The following KHDRBS1 variants were observed in gnomAD, a reference collection of about 807,000 sequenced individuals.
KHDRBS1 encodes KH RNA binding domain containing, signal transduction associated 1.
A neutral mutation model predicts 48.4 loss-of-function variants in KHDRBS1; 7 were observed. The observed-to-expected ratio is 0.14, with a 90% confidence interval of 0.08 to 0.27. The LOEUF is 0.27. Among genes scored for constraint, KHDRBS1 ranks in the 10% least tolerant of loss-of-function variants. The pLI is 1.00. For synonymous variants in KHDRBS1, 241 were observed against 235.8 expected (o/e 1.02, Z -0.20); for missense variants, 458 against 601.2 (o/e 0.76, Z 2.49).
chr1:32,046,301 G>A (rs902526161), downstream of KHDRBS1, among the ~76,000 whole-genome samples: 25 of 151,874 alleles, frequency 1.6e-4, no homozygotes, highest in East Asian at 5.8e-4. Flanking sequence ...TGCAACCTCC[G>A]CCTCTGGGTT....
In KHDRBS1 at chr1:32,043,520, CAA is replaced by C. The variant is rs985369092; in HGVS notation, c.*898_*899del. The C allele has an allele frequency of 1.1e-4, 17 of 152,576 alleles. No individual in the cohort carries two copies. The highest frequency in any genetic ancestry group is 3.9e-4 in the African/African-American group (16 of 41,434). 9.5% of individuals were successfully genotyped at this position (152,576 alleles called of 1,614,324 possible). A position where few individuals can be genotyped will look rare whatever the true frequency, so the allele number is the denominator to read the frequency against. ...ATTAAATTTTCAGTATTTAAAAAGACAAAGTATTTTGTCCATTTGAGATTCTG... is the reference window on the plus strand; with the variant it reads ...ATTAAATTTTCAGTATTTAAAAAGACAGTATTTTGTCCATTTGAGATTCTG... On this transcript the variant is annotated 3_prime_UTR_variant, in exon 9 of 9. Coordinates refer to ENST00000327300, the MANE Select transcript of KHDRBS1 (RefSeq NM_006559.3).
chr1:32,025,758 C>T (rs988681006), intron 1 of KHDRBS1, among the ~76,000 whole-genome samples: 25 of 133,674 alleles, frequency 1.9e-4, no homozygotes, highest in Non-Finnish European at 3.2e-4. Context: ...TTTCTCCCCT[C>T]TCCCCTCCTC....
rs897184968 is a variant in KHDRBS1 at position 32,021,121 on chromosome 1, TA to T, written c.382+6755del. 8.1e-3 allele frequency among the ~76,000 whole-genome samples: 1,208 copies of T among 149,112 alleles called. 20 individuals carry two copies. Among genetic ancestry groups the T allele is most frequent in the African/African-American group, 0.028 (1,143 of 40,874 alleles). ...TATAAATCTAAAATTGCCTTAAAAT[TA>T]AAAAAAAAAATTTTCAAAGTTGCAA... On this transcript the variant is annotated intron_variant, in intron 1 of 8. Transcript: ENST00000327300.
At chr1:32,036,117 T>C (rs960529157) in intron 4 of KHDRBS1, among the ~76,000 whole-genome samples, 9 of 151,720 alleles carry the variant, frequency 5.9e-5, no homozygotes, top group African/African-American at 1.7e-4. Flanking sequence ...TTTTCTTAAC[T>C]GTAAAATGTG....
intron 1 of KHDRBS1, among the ~76,000 whole-genome samples, chr1:32,019,659 T>A (rs1407360455): frequency 6.6e-6 from 1 of 152,176 alleles, no homozygotes; most frequent in Non-Finnish European, 1.5e-5. Flanking sequence ...AGAAAGTACA[T>A]CCCATAAGAC....
At chr1:32,044,186 T>C (rs1639330493), downstream of KHDRBS1, among the ~76,000 whole-genome samples, 1 of 152,204 alleles carries the variant, frequency 6.6e-6, no homozygotes, top group African/African-American at 2.4e-5. Context: ...TTGGTTTCCA[T>C]AGATAGGTCT....
downstream of KHDRBS1, among the ~76,000 whole-genome samples, chr1:32,044,290 A>G (rs186193390): frequency 1.5e-3 from 228 of 152,366 alleles, 1 homozygote; most frequent in African/African-American, 4.2e-3. Context: ...CTGTGAGCTC[A>G]GAAGGGGACA....
At chr1:32,024,252 CAA>C (rs905613921) in intron 1 of KHDRBS1, among the ~76,000 whole-genome samples, 2 of 139,718 alleles carry the variant, frequency 1.4e-5, no homozygotes, top group Non-Finnish European at 1.6e-5. Context: ...GACTTCGTTT[CAA>C]AAAAAAAAAG....
rs530952815 is a variant in KHDRBS1, at chr1:32,026,352, C to G, written c.383-3946C>G. On this transcript the variant is annotated intron_variant, in intron 1 of 8. Transcript: ENST00000327300. The stretch of plus-strand genomic sequence containing the variant: ...TTGTTATTTTTTATAGAGAAGGGGT[C>G]TCACTATGTTGCCCGCTCTGGTCCC... Among the ~76,000 whole-genome samples, 11 of 152,132 alleles carry G rather than the reference C, an allele frequency of 7.2e-5. No homozygotes were observed. In the South Asian group the frequency reaches 2.3e-3, roughly 32 times the overall value.
At chr1:32,055,849 G>A (rs1196853375) in intron 10 of KHDRBS1, among the ~76,000 whole-genome samples, 39 of 152,034 alleles carry the variant, frequency 2.6e-4, no homozygotes, top group Admixed American at 6.6e-4. Flanking sequence ...GAATGTTCAC[G>A]GACCTCTAGA....
chr1:32,051,734 G>A (rs1033891728), intron 10 of KHDRBS1, among the ~76,000 whole-genome samples: 6 of 152,106 alleles, frequency 3.9e-5, no homozygotes, highest in Non-Finnish European at 7.4e-5. Context: ...CCTTACCTAC[G>A]GATACAGGCT....
downstream of KHDRBS1, among the ~76,000 whole-genome samples, chr1:32,047,961 T>C (rs530186997): frequency 3.3e-5 from 5 of 152,350 alleles, no homozygotes; most frequent in Admixed American, 1.3e-4. Flanking sequence ...CTTTTTGGAA[T>C]TGGCTTCTTT....
intron 1 of KHDRBS1, among the ~76,000 whole-genome samples, chr1:32,018,822 G>C (rs1318991240): frequency 6.6e-6 from 1 of 152,010 alleles, no homozygotes; most frequent in Non-Finnish European, 1.5e-5. Context: ...TGTAATCCCA[G>C]CACTTTGGGA....
intron 1 of KHDRBS1, among the ~76,000 whole-genome samples, chr1:32,014,991 T>G (rs1350826491): frequency 6.6e-6 from 1 of 152,194 alleles, no homozygotes; most frequent in Non-Finnish European, 1.5e-5. Flanking sequence ...CGACTAAGGC[T>G]GATAAAATAA....
intron 4 of KHDRBS1, among the ~76,000 whole-genome samples, chr1:32,034,258 G>A (rs1639133346): frequency 6.6e-6 from 1 of 152,088 alleles, no homozygotes; most frequent in Non-Finnish European, 1.5e-5. Context: ...AAATTGATAG[G>A]GCAAAAATTT....
At chr1:32,027,578 G>T (rs1410533827) in intron 1 of KHDRBS1, among the ~76,000 whole-genome samples, 1 of 152,180 alleles carries the variant, frequency 6.6e-6, no homozygotes, top group African/African-American at 2.4e-5. Flanking sequence ...GTCATTTACA[G>T]TTCTTCTCAT....
At position 32,043,409 on chromosome 1, in the gene KHDRBS1, ATGG is replaced by A. The variant is rs1288733383; in HGVS notation, c.*792_*794del. 1.3e-5 allele frequency: 2 copies of A among 152,544 alleles called. No individual in the cohort carries two copies. Among genetic ancestry groups the A allele is most frequent in the African/African-American group, 4.8e-5 (2 of 41,424 alleles). 9.4% of individuals were successfully genotyped at this position (152,544 alleles called of 1,614,324 possible). A position where few individuals can be genotyped will look rare whatever the true frequency, so the allele number is the denominator to read the frequency against. On this transcript the variant is annotated 3_prime_UTR_variant, in exon 9 of 9. Coordinates refer to ENST00000327300, the MANE Select transcript of KHDRBS1 (RefSeq NM_006559.3). Reference sequence around the variant, plus strand: ...GAGGGAGTAGGTTTTGAAGAGGTTGATGGTGGTGGGGAGGGAAGGCCTCCTGAA... The same window carrying A: ...GAGGGAGTAGGTTTTGAAGAGGTTGATGGTGGGGAGGGAAGGCCTCCTGAA...
intron 10 of KHDRBS1, chr1:32,054,470 C>T (rs988210845): frequency 1.3e-5 from 2 of 152,076 alleles, no homozygotes; most frequent in African/African-American, 4.8e-5. Context: ...TCTGGACTTA[C>T]CTATGTTAAG....
At chr1:32,032,897 T>G (rs1000043721) in intron 3 of KHDRBS1, among the ~76,000 whole-genome samples, 1 of 152,132 alleles carries the variant, frequency 6.6e-6, no homozygotes, top group Non-Finnish European at 1.5e-5. Context: ...ATCACATTGG[T>G]CAGACTGGTC....
Sources: allele counts gnomAD v4.1 joint callset (sites outside exome capture counted in the v4.1 genomes callset), GRCh38; gene constraint gnomAD v4.1.1; transcripts MANE v1.5; gene names NCBI Gene and HGNC (gene_info 2026-07-23, HGNC 2026-07-21).